Variants in ERI3 observed in about 807,000 individuals in gnomAD.
ERI3 encodes ERI1 exoribonuclease 3.
In ERI3, 18 loss-of-function variants were observed where a neutral mutation model predicts 44.4. The observed-to-expected ratio is 0.41, with a 90% CI of 0.28 to 0.60. The LOEUF is 0.60. ERI3 is among the 20% of genes least tolerant of loss of function. The probability of loss-of-function intolerance (pLI) is 0.36; values close to 1 mark genes in which losing one functional copy is unlikely to be tolerated. For missense variants in ERI3, 294 were observed against 435.5 expected, an observed-to-expected ratio of 0.68 and a Z score of 2.89; for synonymous variants, 183 against 164.8, an observed-to-expected ratio of 1.11 and a Z score of -0.84.
At chr1:44,229,050 AGGCC>A (rs1166084210) in intron 8 of ERI3, among the ~76,000 whole-genome samples, 1 of 152,228 alleles carries the variant, frequency 6.6e-6, no homozygotes, top group African/African-American at 2.4e-5. Context: ...AGGAAGCTAC[AGGCC>A]TAGACCAGGT....
chr1:44,293,600 C>T (rs180844508), intron 6 of ERI3, among the ~76,000 whole-genome samples: 58 of 152,302 alleles, frequency 3.8e-4, no homozygotes, highest in African/African-American at 1.3e-3. Context: ...ACATTTCCCC[C>T]ACAGATGTCA....
chr1:44,296,082 T>C (rs758966947), intron 6 of ERI3, among the ~76,000 whole-genome samples: 3 of 152,142 alleles, frequency 2.0e-5, no homozygotes, highest in Non-Finnish European at 4.4e-5. Flanking sequence ...TAATAGGCCC[T>C]AGATTCCTTT....
At chr1:44,316,755 G>A (rs1444021946) in intron 4 of ERI3, among the ~76,000 whole-genome samples, 7 of 152,028 alleles carry the variant, frequency 4.6e-5, no homozygotes, top group Admixed American at 4.6e-4. Context: ...AGCAAAATGA[G>A]TATTTCTCTA....
intron 3 of ERI3, among the ~76,000 whole-genome samples, chr1:44,330,925 C>G (rs1035083027): frequency 6.6e-6 from 1 of 152,100 alleles, no homozygotes; most frequent in Non-Finnish European, 1.5e-5. Context: ...GATCAGTCTA[C>G]AAAAGAAATA....
At position 44,231,202 on chromosome 1, in the gene ERI3, T is replaced by C. The variant is rs372888916; in HGVS notation, c.932-9562A>G. Reference sequence around the variant, plus strand: ...CAGGTGTGGAATTTTCCACTTGTGGTATCATGCTGGCAGTCAAAAAGTTTC... The same window carrying C: ...CAGGTGTGGAATTTTCCACTTGTGGCATCATGCTGGCAGTCAAAAAGTTTC... On this transcript the variant is annotated intron_variant, in intron 8 of 8. Coordinates refer to ENST00000372257, the MANE Select transcript of ERI3 (RefSeq NM_024066.3). 1.8e-4 allele frequency among the ~76,000 whole-genome samples: 27 copies of C among 152,342 alleles called. No homozygotes were observed. The South Asian group carries it at 5.6e-3, about 32-fold the overall frequency.
intron 6 of ERI3, among the ~76,000 whole-genome samples, chr1:44,299,838 A>G (rs1045528335): frequency 6.6e-6 from 1 of 152,176 alleles, no homozygotes; most frequent in Non-Finnish European, 1.5e-5. Flanking sequence ...CCAGGTGCCC[A>G]GCTGGTTCTG....
At chr1:44,327,953 G>C (rs1646348611) in intron 3 of ERI3, among the ~76,000 whole-genome samples, 2 of 152,220 alleles carry the variant, frequency 1.3e-5, no homozygotes, top group Admixed American at 1.3e-4. Context: ...CACTCAGGCA[G>C]ACTGAGAATT....
intron 2 of ERI3, among the ~76,000 whole-genome samples, chr1:44,340,137 A>G (rs1347066377): frequency 7.7e-6 from 1 of 129,722 alleles, no homozygotes; most frequent in African/African-American, 3.0e-5. Flanking sequence ...AAGTTTTCTG[A>G]GTGAACATGT....
chr1:44,327,026 C>T (rs1646330490), intron 3 of ERI3, among the ~76,000 whole-genome samples: 1 of 152,194 alleles, frequency 6.6e-6, no homozygotes, highest in South Asian at 2.1e-4. Context: ...GAAACAGCCA[C>T]AGTTCAAACA....
intron 3 of ERI3, among the ~76,000 whole-genome samples, chr1:44,336,544 G>C (rs1018186557): frequency 1.4e-5 from 1 of 72,202 alleles, no homozygotes; most frequent in Non-Finnish European, 3.1e-5. Flanking sequence ...CTATGTCACA[G>C]CAAGAAGTTA....
At chr1:44,342,857 ATTTTTTTTTTTTTTT>A (rs141853065) in intron 2 of ERI3, among the ~76,000 whole-genome samples, 6 of 19,174 alleles carry the variant, frequency 3.1e-4, no homozygotes, top group South Asian at 2.6e-3. Flanking sequence ...ATATATATAT[ATTTTTTTTTTTTTTT>A]TTTTTTTTTT....
At chr1:44,273,092 C>T (rs528181514) in intron 7 of ERI3, among the ~76,000 whole-genome samples, 1 of 152,150 alleles carries the variant, frequency 6.6e-6, no homozygotes. Flanking sequence ...GTACCTTTCC[C>T]AAGGTACTGT....
At chr1:44,287,264 A>T (rs1248225496) in intron 6 of ERI3, among the ~76,000 whole-genome samples, 1 of 152,220 alleles carries the variant, frequency 6.6e-6, no homozygotes, top group Non-Finnish European at 1.5e-5. Flanking sequence ...GTGTGGAAAG[A>T]GTGAGAGATA....
At chr1:44,255,990 C>A (rs1220408312) in intron 7 of ERI3, among the ~76,000 whole-genome samples, 1 of 152,166 alleles carries the variant, frequency 6.6e-6, no homozygotes, top group Non-Finnish European at 1.5e-5. Context: ...TGGCTCATCC[C>A]TCCTTTAAAT....
chr1:44,234,543 C>T (rs1644260951), intron 8 of ERI3, among the ~76,000 whole-genome samples: 1 of 151,928 alleles, frequency 6.6e-6, no homozygotes, highest in Non-Finnish European at 1.5e-5. Context: ...CCTGTAATCC[C>T]AGCTACTCGG....
chr1:44,281,978 G>A (rs1645300644), intron 7 of ERI3, among the ~76,000 whole-genome samples: 1 of 151,276 alleles, frequency 6.6e-6, no homozygotes, highest in South Asian at 2.1e-4. Flanking sequence ...GGAGGGAGCT[G>A]GGAGCAGGGC....
intron 8 of ERI3, among the ~76,000 whole-genome samples, chr1:44,242,296 G>C (rs765157941): frequency 1.3e-5 from 2 of 152,186 alleles, no homozygotes; most frequent in African/African-American, 2.4e-5. Flanking sequence ...TACCTCTCTG[G>C]AAGGACATCA....
intron 2 of ERI3, 25 bp downstream of exon 2, chr1:44,352,825 C>T (rs1443396936): frequency 6.2e-7 from 1 of 1,613,956 alleles, no homozygotes. Flanking sequence ...TAAAGCCAGA[C>T]TTGACCATGC....
At chr1:44,265,222 GT>G (rs1644967619) in intron 7 of ERI3, among the ~76,000 whole-genome samples, 1 of 152,252 alleles carries the variant, frequency 6.6e-6, no homozygotes, top group Non-Finnish European at 1.5e-5. Context: ...ACTCAAGGAA[GT>G]TTCTCAGATC....
Sources: allele counts gnomAD v4.1 joint callset (sites outside exome capture counted in the v4.1 genomes callset), GRCh38; gene constraint gnomAD v4.1.1; transcripts MANE v1.5; gene names NCBI Gene and HGNC (gene_info 2026-07-23, HGNC 2026-07-21).